Variants in WHR1 observed in about 807,000 individuals in gnomAD.
The protein encoded by WHR1 is MHC class III HLA-RP1.
At chr6:31,975,171 C>T in the WHR1 span, among the ~76,000 whole-genome samples, 4 of 151,042 alleles carry the variant, frequency 2.6e-5, no homozygotes, top group African/African-American at 9.7e-5. Flanking sequence ...TGGGAGGTGA[C>T]TGCTGTGGTC....
At chr6:31,973,110 G>A in the WHR1 span, 473 of 522,744 alleles carry the variant, frequency 9.0e-4, no homozygotes, top group Admixed American at 4.6e-3. Flanking sequence ...ATAGAGAGAG[G>A]GAATGGTGTA....
chr6:31,978,868 T>C, the WHR1 span: 2 of 1,604,478 alleles, frequency 1.2e-6, no homozygotes, highest in Non-Finnish European at 1.7e-6. Context: ...CTTACCCTGA[T>C]ACGCCTCTTT....
At chr6:31,978,766 C>A in the WHR1 span, 1 of 693,420 alleles carries the variant, frequency 1.4e-6, no homozygotes, top group Non-Finnish European at 2.4e-6. Context: ...TGATTATTTT[C>A]TCACACAGTT....
the WHR1 span, among the ~76,000 whole-genome samples, chr6:31,975,980 C>T: frequency 8.8e-3 from 1,265 of 144,036 alleles, 9 homozygotes; most frequent in Non-Finnish European, 0.011. Context: ...CCAGTAGGGG[C>T]GGCCGGGCAG....
chr6:31,977,513 T>G, the WHR1 span, among the ~76,000 whole-genome samples: 2 of 149,996 alleles, frequency 1.3e-5, no homozygotes, highest in African/African-American at 4.9e-5. Context: ...GGCTAATTGT[T>G]TTTTTTTTTG....
chr6:31,979,060 C>T, the WHR1 span: 2 of 1,550,462 alleles, frequency 1.3e-6, no homozygotes, highest in Non-Finnish European at 1.8e-6. Context: ...AGACAGGGAA[C>T]TTGGGAAACA....
chr6:31,976,259 G>T, the WHR1 span, among the ~76,000 whole-genome samples: 62,873 of 148,998 alleles, frequency 0.42, 13,525 homozygotes, highest in Middle Eastern at 0.57. Flanking sequence ...GCCGGGCAGG[G>T]GGCTGACCCC....
At chr6:31,972,929 G>A in the WHR1 span, 5 of 1,113,046 alleles carry the variant, frequency 4.5e-6, no homozygotes, top group Non-Finnish European at 6.6e-6. This position sits in a 1 kb window ranked among gnomAD's most constrained non-coding sequence, Gnocchi z 6.3. Context: ...GGTAGTACAG[G>A]GCATTTCAAA....
the WHR1 span, chr6:31,972,253 G>A: frequency 3.1e-6 from 5 of 1,613,010 alleles, no homozygotes; most frequent in South Asian, 4.4e-5. The surrounding 1 kb of genome is among the most constrained non-coding windows in gnomAD (Gnocchi z 6.3). Context: ...AGCACTGACG[G>A]GCCTGAGGGA....
the WHR1 span, chr6:31,972,588 G>C: frequency 5.6e-6 from 9 of 1,599,128 alleles, no homozygotes; most frequent in Non-Finnish European, 7.7e-6. This position sits in a 1 kb window ranked among gnomAD's most constrained non-coding sequence, Gnocchi z 6.3. Flanking sequence ...CCCCGCCCCA[G>C]TTCCCTGTCC....
the WHR1 span, among the ~76,000 whole-genome samples, chr6:31,978,077 C>T: frequency 1.3e-5 from 2 of 152,232 alleles, no homozygotes; most frequent in South Asian, 4.1e-4. Context: ...CTTGAGCCAT[C>T]TCGCCCGGCC....
the WHR1 span, among the ~76,000 whole-genome samples, chr6:31,974,250 A>G: frequency 2.8e-5 from 4 of 144,354 alleles, no homozygotes; most frequent in African/African-American, 1.0e-4. Context: ...GCTGCACCCC[A>G]CCCTGGGTGA....
At chr6:31,972,683 G>T in the WHR1 span, 1 of 1,613,842 alleles carries the variant, frequency 6.2e-7, no homozygotes. The surrounding 1 kb of genome is among the most constrained non-coding windows in gnomAD (Gnocchi z 6.3). Flanking sequence ...GTTTGAGGAC[G>T]CGCTGCCGCC....
chr6:31,972,763 G>C, the WHR1 span: 1 of 1,610,432 alleles, frequency 6.2e-7, no homozygotes, highest in Non-Finnish European at 8.5e-7. The surrounding 1 kb of genome is among the most constrained non-coding windows in gnomAD (Gnocchi z 6.3). Flanking sequence ...AGCTGGTGAG[G>C]GGCGTCGGTG....
chr6:31,979,351 G>C, the WHR1 span: 1 of 1,602,472 alleles, frequency 6.2e-7, no homozygotes, highest in Non-Finnish European at 8.5e-7. Flanking sequence ...ATGCTGTCCT[G>C]GGGGTGGAGG....
At chr6:31,972,144 C>G in the WHR1 span, 243 of 1,612,822 alleles carry the variant, frequency 1.5e-4, no homozygotes, top group Non-Finnish European at 1.9e-4. This position sits in a 1 kb window ranked among gnomAD's most constrained non-coding sequence, Gnocchi z 6.3. Context: ...CCAACGAGTC[C>G]CCGGGCGTGC....
the WHR1 span, chr6:31,972,782 G>A: frequency 6.2e-7 from 1 of 1,607,468 alleles, no homozygotes; most frequent in Admixed American, 1.7e-5. This position sits in a 1 kb window ranked among gnomAD's most constrained non-coding sequence, Gnocchi z 6.3. Flanking sequence ...TGCGACCGCC[G>A]GAAGCCCCTT....
chr6:31,972,420 G>T, the WHR1 span: 1 of 1,613,076 alleles, frequency 6.2e-7, no homozygotes, highest in East Asian at 2.2e-5. The surrounding 1 kb of genome is among the most constrained non-coding windows in gnomAD (Gnocchi z 6.3). Flanking sequence ...ATATGAGCTG[G>T]AAGAGGCATC....
chr6:31,971,702 G>A, the WHR1 span: 2 of 1,582,136 alleles, frequency 1.3e-6, no homozygotes, highest in Non-Finnish European at 1.7e-6. This position sits in a 1 kb window ranked among gnomAD's most constrained non-coding sequence, Gnocchi z 4.5. Flanking sequence ...CAGGGGTACA[G>A]AGTTTCCATT....
Sources: gnomAD v4.1 joint callset for allele counts (sites outside exome capture counted in the v4.1 genomes callset) on GRCh38, gnomAD v4.1.1 for gene constraint, Gnocchi (gnomAD v3.1) non-coding constraint, MANE v1.5 for transcripts, NCBI Gene and HGNC (gene_info 2026-07-23, HGNC 2026-07-21) for gene names.